Variants in UQCRH observed in about 807,000 individuals in gnomAD.
UQCRH encodes ubiquinol-cytochrome c reductase hinge protein.
Under a neutral mutation model 16.3 loss-of-function variants are expected in UQCRH, and 14 were observed. The observed-to-expected ratio is 0.86, with a 90% CI of 0.57 to 1.34. UQCRH has a LOEUF of 1.34. UQCRH is among the 40% of genes most tolerant of loss of function. UQCRH has a pLI of 0.00. For missense variants in UQCRH, 89 were observed against 111.9 expected, an observed-to-expected ratio of 0.80 and a Z score of 0.92; for synonymous variants, 41 against 41.9, an observed-to-expected ratio of 0.98 and a Z score of 0.08.
At chr1:46,313,768 GA>G (rs1013472727) in intron 3 of UQCRH, among the ~76,000 whole-genome samples, 12 of 151,352 alleles carry the variant, frequency 7.9e-5, no homozygotes, top group African/African-American at 2.9e-4. Flanking sequence ...TGAGCCTGGG[GA>G]AGTCAAGGCT....
intron 3 of UQCRH, among the ~76,000 whole-genome samples, chr1:46,315,301 G>A (rs897806409): frequency 2.1e-4 from 32 of 152,192 alleles, no homozygotes; most frequent in African/African-American, 5.3e-4. Flanking sequence ...AAAATTAGCC[G>A]GGCGTGGTGG....
rs559605674 is a variant in UQCRH at position 46,309,477 on chromosome 1, C to G, written c.81+350C>G. On this transcript the variant is annotated intron_variant, in intron 2 of 3. Transcript: ENST00000311672. ...GAGGCCAAGGCAGGCGGATTACCAG[C>G]CTGAACAACGTAGAGAAACCCCATC... is the stretch of plus-strand genomic sequence containing the variant. The G allele has an allele frequency of 1.8e-3, 427 of 233,204 alleles. 2 individuals carry two copies. The highest frequency in any genetic ancestry group is 9.6e-3 in the African/African-American group (352 of 36,624). The allele number at this position is 233,204 out of a possible 1,614,324, so 14.4% of individuals were successfully genotyped here.
chr1:46,313,890 T>C (rs181738876), intron 3 of UQCRH, among the ~76,000 whole-genome samples: 3 of 152,066 alleles, frequency 2.0e-5, no homozygotes, highest in East Asian at 3.9e-4. Context: ...TAGAATTATG[T>C]ACTATATGAT....
intron 1 of UQCRH, among the ~76,000 whole-genome samples, chr1:46,305,115 G>A (rs1020524150): frequency 3.3e-5 from 5 of 151,138 alleles, no homozygotes; most frequent in African/African-American, 1.2e-4. Context: ...TCCAGGAGTT[G>A]GACCAGCCTG....
At chr1:46,310,381 A>G in intron 3 of UQCRH, 65 bp downstream of exon 3, 1 of 1,606,068 alleles carries the variant, frequency 6.2e-7, no homozygotes, top group Non-Finnish European at 8.5e-7. Context: ...GGTGCCAACA[A>G]TCTTTCCATG....
chr1:46,309,374 A>AAT (rs1661426478), intron 2 of UQCRH: 2 of 479,756 alleles, frequency 4.2e-6, no homozygotes. Context: ...CCTGGCACTC[A>AAT]ATCATCTGCT....
intron 3 of UQCRH, among the ~76,000 whole-genome samples, chr1:46,310,985 T>C (rs1661459803): frequency 6.7e-6 from 1 of 149,822 alleles, no homozygotes; most frequent in Non-Finnish European, 1.5e-5. Flanking sequence ...GAGAATGGCG[T>C]GAACCCGGGG....
chr1:46,310,562 T>A (rs1438764810), intron 3 of UQCRH, among the ~76,000 whole-genome samples: 1 of 152,164 alleles, frequency 6.6e-6, no homozygotes, highest in Non-Finnish European at 1.5e-5. Flanking sequence ...CTCCTGGGCC[T>A]AAGTGATCCT....
rs1661425509 is a variant in UQCRH at position 46,309,258 on chromosome 1, T to G, written c.81+131T>G. On this transcript the variant is annotated intron_variant, in intron 2 of 3. Transcript: ENST00000311672. ...ATGGGGGTGGAATAAGCTTTGATAC[T>G]TCCTGTGCAGTGGAGAGTTTAGGGT... 2.8e-6 allele frequency: 3 copies of G among 1,056,186 alleles called. No individual in the cohort carries two copies. The South Asian group carries it at 4.9e-5, about 17-fold the overall frequency. 65.4% of individuals were successfully genotyped at this position (1,056,186 alleles called of 1,614,324 possible).
chr1:46,311,770 G>GTT (rs558702675), intron 3 of UQCRH, among the ~76,000 whole-genome samples: 2 of 147,542 alleles, frequency 1.4e-5, no homozygotes, highest in South Asian at 2.2e-4. Context: ...TGGTTTTTTT[G>GTT]TTTTTTTTTG....
chr1:46,312,987 C>G (rs1318620006), intron 3 of UQCRH, among the ~76,000 whole-genome samples: 1 of 152,078 alleles, frequency 6.6e-6, no homozygotes, highest in Admixed American at 6.6e-5. Flanking sequence ...ACCTCATACG[C>G]TGTCAGTAAA....
At chr1:46,310,727 C>T (rs1223167668) in intron 3 of UQCRH, among the ~76,000 whole-genome samples, 1 of 152,178 alleles carries the variant, frequency 6.6e-6, no homozygotes, top group South Asian at 2.1e-4. Flanking sequence ...CCATCTCGGC[C>T]CTCTGAAGTG....
At chr1:46,314,785 G>A (rs80286800) in intron 3 of UQCRH, among the ~76,000 whole-genome samples, 128 of 152,286 alleles carry the variant, frequency 8.4e-4, no homozygotes, top group African/African-American at 3.0e-3. Flanking sequence ...TTCCACTTTG[G>A]TGAGGTACCT....
At chr1:46,313,381 C>T (rs1486107225) in intron 3 of UQCRH, among the ~76,000 whole-genome samples, 1 of 152,156 alleles carries the variant, frequency 6.6e-6, no homozygotes, top group African/African-American at 2.4e-5. Flanking sequence ...GTAATCCCAG[C>T]CCTTTGGGAG....
chr1:46,315,263 G>A (rs1029568092), intron 3 of UQCRH, among the ~76,000 whole-genome samples: 6 of 152,164 alleles, frequency 3.9e-5, no homozygotes, highest in African/African-American at 1.2e-4. Flanking sequence ...TGACCAACAT[G>A]GAGAAACACC....
Position 46,310,205 on chromosome 1 carries a change from A to G in UQCRH, c.132A>G (p.Val44=), listed in dbSNP as rs748384022. ...REQCEQLEKC[V]KARERLELCD... Reference sequence around the variant, plus strand: ...AATGCGAGCAGTTGGAGAAATGTGTAAAGGCCCGGGAGCGGCTAGAGCTCT... The same window carrying G: ...AATGCGAGCAGTTGGAGAAATGTGTGAAGGCCCGGGAGCGGCTAGAGCTCT... Residue 44 remains valine, a synonymous_variant, in exon 3 of 4, where the codon GTA becomes GTG. Transcript: ENST00000311672. The G allele has an allele frequency of 5.6e-6, 9 of 1,614,220 alleles. No homozygotes were observed. The East Asian group carries it at 1.8e-4, about 32-fold the overall frequency.
chr1:46,313,539 G>A (rs1024622956), intron 3 of UQCRH, among the ~76,000 whole-genome samples: 1 of 152,180 alleles, frequency 6.6e-6, no homozygotes, highest in African/African-American at 2.4e-5. Context: ...TGAGGCTGGA[G>A]AATGGCGTGA....
At chr1:46,316,393 G>A (rs186981248) in intron 3 of UQCRH, among the ~76,000 whole-genome samples, 159 bp from the exon 4 acceptor site, 106 of 152,240 alleles carry the variant, frequency 7.0e-4, no homozygotes, top group African/African-American at 2.5e-3. Context: ...AATAAAAGAT[G>A]AAAAAAGTGG....
In UQCRH at chr1:46,313,699, G is replaced by A. The variant is rs368130275; in HGVS notation, c.244-2853G>A. 7.3e-5 allele frequency among the ~76,000 whole-genome samples: 11 copies of A among 151,304 alleles called. No individual in the cohort carries two copies. In the East Asian group the frequency reaches 1.8e-3, roughly 24 times the overall value. On this transcript the variant is annotated intron_variant, in intron 3 of 3. Transcript: ENST00000311672. ...TAGATAGATAGATATAGATAACCAGGCAAGCTGGCTCACACCTGTAGTCCT... is the reference window on the plus strand; with the variant it reads ...TAGATAGATAGATATAGATAACCAGACAAGCTGGCTCACACCTGTAGTCCT...
Sources: allele counts gnomAD v4.1 joint callset (sites outside exome capture counted in the v4.1 genomes callset), GRCh38; gene constraint gnomAD v4.1.1; transcripts MANE v1.5; gene names NCBI Gene and HGNC (gene_info 2026-07-23, HGNC 2026-07-21).